SIPA1L1: variants seen among roughly 807,000 people sequenced by gnomAD.
SIPA1L1 encodes signal induced proliferation associated 1 like 1.
SIPA1L1 carries 26 observed loss-of-function variants against 162.7 expected under a neutral mutation model. The observed-to-expected ratio is 0.16, with a 90% CI of 0.12 to 0.22. The LOEUF is 0.22. Among genes scored for constraint, SIPA1L1 ranks in the 10% least tolerant of loss-of-function variants. SIPA1L1 has a pLI of 1.00. For missense variants in SIPA1L1, 1,874 were observed against 2,241.0 expected (o/e 0.84, Z 3.31); for synonymous variants, 829 against 837.4 (o/e 0.99, Z 0.17).
intron 2 of SIPA1L1, among the ~76,000 whole-genome samples, chr14:71,501,873 A>G (rs558566370): frequency 6.6e-6 from 1 of 151,998 alleles, no homozygotes; most frequent in East Asian, 1.9e-4. Flanking sequence ...TACAAAATAA[A>G]TAAATAAATA....
intron 3 of SIPA1L1, among the ~76,000 whole-genome samples, chr14:71,525,271 C>T (rs1332343948): frequency 6.6e-6 from 1 of 151,946 alleles, no homozygotes; most frequent in South Asian, 2.1e-4. Context: ...CAAGCCCCAC[C>T]TCCTGGGTTC....
intron 2 of SIPA1L1, among the ~76,000 whole-genome samples, chr14:71,464,521 ATCCCAGCTACTTAGGAGGCT>A (rs1333765262): frequency 2.6e-5 from 4 of 152,050 alleles, no homozygotes; most frequent in African/African-American, 7.2e-5. Context: ...CACGTCTGGA[ATCCCAGCTACTTAGGAGGCT>A]AAGGCAGGAG....
chr14:71,515,221 G>C (rs1390838369), intron 3 of SIPA1L1, among the ~76,000 whole-genome samples: 1 of 152,216 alleles, frequency 6.6e-6, no homozygotes, highest in Non-Finnish European at 1.5e-5. Flanking sequence ...ATTGCTTTCT[G>C]ATTTATTCAG....
chr14:71,675,837 G>T (rs1008628615), intron 12 of SIPA1L1, among the ~76,000 whole-genome samples: 1 of 152,156 alleles, frequency 6.6e-6, no homozygotes, highest in African/African-American at 2.4e-5. Flanking sequence ...GGTGCGGGAG[G>T]TGATGACTGT....
chr14:71,692,175 A>T (rs957429590), intron 13 of SIPA1L1, among the ~76,000 whole-genome samples: 3 of 152,228 alleles, frequency 2.0e-5, no homozygotes, highest in Admixed American at 2.0e-4. Context: ...CTTGGAGAAA[A>T]TAAACCAATT....
intron 15 of SIPA1L1, among the ~76,000 whole-genome samples, chr14:71,704,227 C>T (rs1319290314): frequency 2.0e-5 from 3 of 152,158 alleles, no homozygotes; most frequent in African/African-American, 4.8e-5. Flanking sequence ...TAAGCCATTC[C>T]AGGGAGAAGT....
At position 71,709,466 on chromosome 14, in the gene SIPA1L1, A is replaced by G. The variant is rs537548660; in HGVS notation, c.4010A>G (p.Lys1337Arg). The G allele has an allele frequency of 9.3e-6, 15 of 1,614,222 alleles. No homozygotes were observed. The South Asian group carries it at 1.1e-4, about 12-fold the overall frequency. ...CCTCGCTCAGGGCCAGGCAAGGAGA[A>G]AGTGGCACCCCTATGGCACAGCTCC... is the stretch of plus-strand genomic sequence containing the variant. ...SSPRSGPGKE[K>R]VAPLWHSSSE... The change falls in exon 17 of 24, where the codon AAA becomes AGA. Residue 1337 changes from lysine (K) to arginine (R), a missense_variant. Transcript: ENST00000381232.
chr14:71,677,340 T>C (rs1396659835), intron 12 of SIPA1L1, among the ~76,000 whole-genome samples: 15 of 152,222 alleles, frequency 9.9e-5, no homozygotes, highest in Admixed American at 9.8e-4. Flanking sequence ...TTCTTGTAAA[T>C]TTGTTTAAGT....
intron 2 of SIPA1L1, among the ~76,000 whole-genome samples, chr14:71,376,844 G>C (rs2039416388): frequency 6.6e-6 from 1 of 152,206 alleles, no homozygotes; most frequent in African/African-American, 2.4e-5. Flanking sequence ...GAGAGCACGG[G>C]GTTGGGGGTA....
rs1408486550 is a variant in SIPA1L1, at chr14:71,740,303, C to T, written c.*1142C>T. On this transcript the variant is annotated 3_prime_UTR_variant, in exon 24 of 24. Coordinates refer to ENST00000381232, the MANE Select transcript of SIPA1L1 (RefSeq NM_001386936.1). ...CAGCACGGCATTTTCTGCATCCTTT[C>T]ATGGCCATCCAAAGGATTCCGCTGC... 6.6e-6 allele frequency: 1 copy of T among 152,236 alleles called. No homozygotes were observed. Among genetic ancestry groups the T allele is most frequent in the Non-Finnish European group, 1.5e-5 (1 of 68,048 alleles). 9.4% of individuals were successfully genotyped at this position (152,236 alleles called of 1,614,324 possible).
At chr14:71,640,365 GAA>G (rs940185106) in intron 7 of SIPA1L1, among the ~76,000 whole-genome samples, 29 of 149,272 alleles carry the variant, frequency 1.9e-4, no homozygotes, top group African/African-American at 6.9e-4. Flanking sequence ...GATCTAGAAA[GAA>G]AAAAAAAATT....
chr14:71,322,067 T>A (rs902547124), intron 2 of SIPA1L1, among the ~76,000 whole-genome samples: 1 of 152,202 alleles, frequency 6.6e-6, no homozygotes, highest in African/African-American at 2.4e-5. Context: ...TGTGAAACGA[T>A]CATGTTTCTA....
At position 71,488,732 on chromosome 14, in the gene SIPA1L1, G is replaced by A. The variant is rs566025704; in HGVS notation, c.-464-24011G>A. Among the ~76,000 whole-genome samples, 163 of 152,292 alleles carry A rather than the reference G, an allele frequency of 1.1e-3. 2 individuals carry two copies. Among genetic ancestry groups the A allele is most frequent in the African/African-American group, 3.8e-3 (159 of 41,558 alleles). On this transcript the variant is annotated intron_variant, in intron 2 of 23. Coordinates refer to ENST00000381232, the MANE Select transcript of SIPA1L1 (RefSeq NM_001386936.1). ...TGTAGGCTGTGAACTTGTACTTTGT[G>A]AAGAGAAGAGTACTGTGAGGAAGCT...
intron 2 of SIPA1L1, among the ~76,000 whole-genome samples, chr14:71,500,556 G>C (rs565251599): frequency 6.6e-6 from 1 of 152,214 alleles, no homozygotes; most frequent in Non-Finnish European, 1.5e-5. Flanking sequence ...GCTAGTGGGA[G>C]TAAAATTGCT....
chr14:71,463,952 A>T (rs1198190181), intron 2 of SIPA1L1, among the ~76,000 whole-genome samples: 2 of 152,114 alleles, frequency 1.3e-5, no homozygotes, highest in Non-Finnish European at 2.9e-5. Flanking sequence ...GCTGCCACTT[A>T]GTTGGCCCCT....
chr14:71,556,264 C>G (rs1260986462), intron 4 of SIPA1L1, among the ~76,000 whole-genome samples: 2 of 152,180 alleles, frequency 1.3e-5, no homozygotes, highest in Non-Finnish European at 2.9e-5. Context: ...CGTGTCTTTC[C>G]TCTGCTTTCA....
intron 17 of SIPA1L1, among the ~76,000 whole-genome samples, chr14:71,712,772 C>G (rs1297204581): frequency 2.6e-5 from 4 of 152,276 alleles, no homozygotes; most frequent in African/African-American, 7.2e-5. Flanking sequence ...AAAACCCTAC[C>G]TCATGCTTGC....
At position 71,723,801 on chromosome 14, in the gene SIPA1L1, C is replaced by T; in HGVS notation, c.4363C>T (p.Arg1455Cys). ...SSSGPRSFYP[R>C]QGATSKYLIG... ...CTCTGGTCCTAGGAGTTTTTACCCT[C>T]GCCAGGGCGCTACTAGCAAGTACCT... Residue 1455 changes from arginine (R) to cysteine (C), a missense_variant, in exon 18 of 24, where the codon CGC becomes TGC. Around this residue, in one of 5 missense-constraint regions of SIPA1L1, gnomAD observed 936 missense variants for 1,051.9 expected, o/e 0.89. Coordinates refer to ENST00000381232, the MANE Select transcript of SIPA1L1 (RefSeq NM_001386936.1). 2 of 1,614,194 alleles carry T rather than the reference C, an allele frequency of 1.2e-6. No homozygotes were observed. The highest frequency in any genetic ancestry group is 1.7e-6 in the Non-Finnish European group (2 of 1,180,038).
intron 7 of SIPA1L1, among the ~76,000 whole-genome samples, chr14:71,633,633 T>C (rs1163582220): frequency 6.6e-6 from 1 of 152,160 alleles, no homozygotes; most frequent in Admixed American, 6.5e-5. Context: ...TATGGGCCAT[T>C]AGCAGTCTAC....
Sources: allele counts gnomAD v4.1 joint callset (sites outside exome capture counted in the v4.1 genomes callset), GRCh38; gene constraint gnomAD v4.1.1; regional missense constraint gnomAD v4.1.1; transcripts MANE v1.5; gene names NCBI Gene and HGNC (gene_info 2026-07-23, HGNC 2026-07-21).